INPP5D: variants seen among roughly 807,000 people sequenced by gnomAD.
INPP5D encodes phosphatidylinositol 3,4,5-trisphosphate 5-phosphatase 1.
Under a neutral mutation model 122.9 loss-of-function variants are expected in INPP5D, and 33 were observed. The observed-to-expected ratio is 0.27, with a 90% CI of 0.20 to 0.36. INPP5D has a LOEUF of 0.36. INPP5D is among the 10% of genes least tolerant of loss of function. The probability of loss-of-function intolerance (pLI) is 1.00; values close to 1 mark genes in which losing one functional copy is unlikely to be tolerated. For missense variants in INPP5D, 1,053 were observed against 1,412.7 expected, an observed-to-expected ratio of 0.75 and a Z score of 4.08; for synonymous variants, 584 against 576.2, an observed-to-expected ratio of 1.01 and a Z score of -0.19.
At chr2:233,119,512 G>C (rs903021084) in intron 2 of INPP5D, among the ~76,000 whole-genome samples, 2 of 152,248 alleles carry the variant, frequency 1.3e-5, no homozygotes, top group Admixed American at 1.3e-4. Context: ...GAAAGAGATT[G>C]CTTAACACGG....
intron 6 of INPP5D, among the ~76,000 whole-genome samples, chr2:233,144,578 ATGGTGATGGTGAGGGTGAAGGTGGTAG>A (rs1693705480): frequency 7.3e-6 from 1 of 136,756 alleles, no homozygotes; most frequent in Non-Finnish European, 1.6e-5. Flanking sequence ...GGTGGTAGTG[ATGGTGATGGTGAGGGTGAAGGTGGTAG>A]TGGTGATGGT....
intron 2 of INPP5D, among the ~76,000 whole-genome samples, chr2:233,111,759 T>G (rs1312360012): frequency 6.6e-6 from 1 of 152,206 alleles, no homozygotes; most frequent in African/African-American, 2.4e-5. Context: ...TACTAGTTTT[T>G]GCTTTTAATA....
At chr2:233,167,725 C>T (rs932959002) in intron 13 of INPP5D, among the ~76,000 whole-genome samples, 1 of 152,128 alleles carries the variant, frequency 6.6e-6, no homozygotes, top group African/African-American at 2.4e-5. Context: ...GAAAATGGGG[C>T]CGGGTGCCGT....
chr2:233,207,019 G>A lies in INPP5D; in HGVS notation c.*311G>A, dbSNP rs1175681323. 26 of 342,502 alleles carry A rather than the reference G, an allele frequency of 7.6e-5. No homozygotes were observed. In the East Asian group the frequency reaches 1.0e-3, roughly 14 times the overall value. The allele number at this position is 342,502 out of a possible 1,614,324, so 21.2% of individuals were successfully genotyped here. ...CCATTCTGAAGAAAGGAACTGCAGC[G>A]CCGATTTGAGGGTGGAGATATAGAT... is the stretch of plus-strand genomic sequence containing the variant. On this transcript the variant is annotated 3_prime_UTR_variant, in exon 27 of 27. Coordinates refer to ENST00000445964, the MANE Select transcript of INPP5D (RefSeq NM_001017915.3). This position sits in a 1 kb window ranked among gnomAD's most constrained non-coding sequence, Gnocchi z 4.6.
chr2:233,073,928 C>A (rs1691449175), intron 1 of INPP5D, among the ~76,000 whole-genome samples: 1 of 152,142 alleles, frequency 6.6e-6, no homozygotes. Flanking sequence ...CACAATCAAT[C>A]CCTCCAATTT....
intron 9 of INPP5D, among the ~76,000 whole-genome samples, chr2:233,149,153 GA>G (rs1199345190): frequency 6.8e-6 from 1 of 147,418 alleles, no homozygotes; most frequent in Non-Finnish European, 1.5e-5. Flanking sequence ...ACCCAGACTG[GA>G]GTGCAGTGCC....
Position 233,189,710 on chromosome 2 carries a change from G to T in INPP5D, c.2359-140G>T. 1 of 1,262,286 alleles carries T rather than the reference G, an allele frequency of 7.9e-7. No individual in the cohort carries two copies. The allele number at this position is 1,262,286 out of a possible 1,614,324, so 78.2% of individuals were successfully genotyped here. ...TGTATGTGAAAGCTATACCCCACCT[G>T]CTCTCTTGGGTATGGACAGCAGAGA... On this transcript the variant is annotated intron_variant, in intron 21 of 26. Coordinates refer to ENST00000445964, the MANE Select transcript of INPP5D (RefSeq NM_001017915.3). This position sits in a 1 kb window ranked among gnomAD's most constrained non-coding sequence, Gnocchi z 5.6.
chr2:233,182,923 A>G (rs973072143), intron 19 of INPP5D, among the ~76,000 whole-genome samples: 3 of 152,202 alleles, frequency 2.0e-5, no homozygotes. Context: ...ATATTGTGAT[A>G]TACCTTATTC....
intron 2 of INPP5D, among the ~76,000 whole-genome samples, chr2:233,106,024 T>C (rs112676404): frequency 0.015 from 2,359 of 152,296 alleles, 84 homozygotes; most frequent in African/African-American, 0.054. Context: ...ATTGGACAAG[T>C]TGCCTTATCT....
intron 2 of INPP5D, among the ~76,000 whole-genome samples, chr2:233,083,274 G>A (rs1273953479): frequency 6.6e-6 from 1 of 152,228 alleles, no homozygotes; most frequent in Non-Finnish European, 1.5e-5. Context: ...TCTAGGCAGT[G>A]CTGGGAGTGG....
intron 8 of INPP5D, 151 bp from the exon 9 acceptor site, chr2:233,147,320 C>A (rs1334688338): frequency 1.7e-6 from 1 of 605,422 alleles, no homozygotes; most frequent in African/African-American, 1.8e-5. Flanking sequence ...GAAACATGCA[C>A]GTGCGCCGCT....
chr2:233,153,598 G>A (rs1359370534), intron 9 of INPP5D, among the ~76,000 whole-genome samples: 2 of 152,206 alleles, frequency 1.3e-5, no homozygotes, highest in African/African-American at 4.8e-5. Context: ...GGAACTGAGA[G>A]CCTTGGGGAC....
At chr2:233,075,607 G>C (rs149181581) in intron 1 of INPP5D, among the ~76,000 whole-genome samples, 1 of 152,164 alleles carries the variant, frequency 6.6e-6, no homozygotes, top group African/African-American at 2.4e-5. Flanking sequence ...ATATGTGTGT[G>C]TGTGTGTGTG....
chr2:233,060,480 TG>T lies in INPP5D; in HGVS notation c.4del (p.Val2?). 3 of 1,605,826 alleles carry T rather than the reference TG, an allele frequency of 1.9e-6. No individual in the cohort carries two copies. Among genetic ancestry groups the T allele is most frequent in the Non-Finnish European group, 2.6e-6 (3 of 1,175,926 alleles). On this transcript the variant is annotated frameshift_variant and start_lost, in exon 1 of 27. Coordinates refer to ENST00000445964, the MANE Select transcript of INPP5D (RefSeq NM_001017915.3). LOFTEE classifies it high-confidence loss of function. The part of the protein sequence containing the change: [M>X]VPCWNHGNIT... ...CGGCCGAGGAGGCCCACGCCCACCA[TG>T]GTCCCCTGCTGGAACCATGGCAACA...
chr2:233,173,837 AC>A (rs1376014635), intron 17 of INPP5D, among the ~76,000 whole-genome samples: 1 of 152,150 alleles, frequency 6.6e-6, no homozygotes, highest in African/African-American at 2.4e-5. Flanking sequence ...GGAGACTGAG[AC>A]AGGAGAATCG....
intron 10 of INPP5D, among the ~76,000 whole-genome samples, chr2:233,158,765 GGATT>G (rs36132583): frequency 0.61 from 92,389 of 151,036 alleles, 29,648 homozygotes; most frequent in East Asian, 0.98. Flanking sequence ...GGACACTCCT[GGATT>G]GATTGATTGA....
chr2:233,129,157 C>T (rs536157756), intron 4 of INPP5D, among the ~76,000 whole-genome samples: 1 of 151,974 alleles, frequency 6.6e-6, no homozygotes, highest in South Asian at 2.1e-4. Context: ...CAGGGTGAGA[C>T]CCTGTCTCAA....
chr2:233,139,492 G>T (rs1466497958), intron 5 of INPP5D, among the ~76,000 whole-genome samples: 1 of 148,476 alleles, frequency 6.7e-6, no homozygotes, highest in Non-Finnish European at 1.5e-5. Flanking sequence ...GTGTGTGTGT[G>T]TGTGTGTGTG....
At position 233,204,333 on chromosome 2, in the gene INPP5D, G is replaced by A; in HGVS notation, c.3183G>A (p.Val1061=). The change falls in exon 26 of 27, where the codon GTG becomes GTA. Residue 1061 remains valine (V), a synonymous_variant. Transcript: ENST00000445964. ...PEPGILSPSI[V]LTKAQEADRG... ...CCGGCATCTTGTCGCCCAGCATCGT[G>A]CTCACCAAAGCCCAGGAGGCTGATC... 1 of 1,611,230 alleles carries A rather than the reference G, an allele frequency of 6.2e-7. No individual in the cohort carries two copies. The highest frequency in any genetic ancestry group is 8.5e-7 in the Non-Finnish European group (1 of 1,178,818).
Sources: gnomAD v4.1 joint callset for allele counts (sites outside exome capture counted in the v4.1 genomes callset) on GRCh38, gnomAD v4.1.1 for gene constraint, Gnocchi (gnomAD v3.1) non-coding constraint, MANE v1.5 for transcripts, NCBI Gene and HGNC (gene_info 2026-07-23, HGNC 2026-07-21) for gene names.